Variants in GSE1 observed in about 807,000 individuals in gnomAD.
The protein encoded by GSE1 is Gse1 coiled-coil protein, also known as genetic suppressor element 1.
Under a neutral mutation model 112.6 loss-of-function variants are expected in GSE1, and 32 were observed. The ratio of observed to expected loss-of-function variants is 0.28; its 90% CI spans 0.21 to 0.38. GSE1 has a LOEUF of 0.38. Ranked by LOEUF, GSE1 falls within the 10% of genes least tolerant of loss-of-function variation. The pLI is 1.00. For missense variants in GSE1, 2,348 were observed against 1,699.2 expected (o/e 1.38, Z -6.71); for synonymous variants, 1,115 against 735.6 (o/e 1.52, Z -8.35).
chr16:85,482,542 G>A (rs1280331726), intron 2 of GSE1, among the ~76,000 whole-genome samples: 1 of 152,168 alleles, frequency 6.6e-6, no homozygotes, highest in African/African-American at 2.4e-5. Flanking sequence ...TCCTTACCTG[G>A]GGGCTTAATA....
chr16:85,562,567 G>A (rs113785333), intron 1 of GSE1, among the ~76,000 whole-genome samples: 1 of 152,218 alleles, frequency 6.6e-6, no homozygotes. Context: ...GTCCTTCTAC[G>A]CAGGGGAAAG....
chr16:85,240,699 G>C (rs141742099), intron 1 of GSE1, among the ~76,000 whole-genome samples: 1 of 152,194 alleles, frequency 6.6e-6, no homozygotes, highest in Non-Finnish European at 1.5e-5. Context: ...GCCACTGTTG[G>C]CATGCTGCCC....
chr16:85,516,899 G>A (rs2051964351), intron 2 of GSE1, among the ~76,000 whole-genome samples: 1 of 150,588 alleles, frequency 6.6e-6, no homozygotes, highest in African/African-American at 2.4e-5. Context: ...CCGGGTTCAC[G>A]CCATTCTCCT....
intron 2 of GSE1, among the ~76,000 whole-genome samples, chr16:85,422,962 A>G (rs2048885067): frequency 6.6e-6 from 1 of 152,170 alleles, no homozygotes; most frequent in Admixed American, 6.5e-5. Flanking sequence ...CCCAGAGCTA[A>G]TATTGAACTT....
chr16:85,655,244 T>C (rs1243712032), intron 5 of GSE1, among the ~76,000 whole-genome samples: 1 of 151,894 alleles, frequency 6.6e-6, no homozygotes, highest in Non-Finnish European at 1.5e-5. Context: ...CACCGGGGGG[T>C]CCATTGACAG....
intron 2 of GSE1, among the ~76,000 whole-genome samples, chr16:85,526,418 C>A (rs76627956): frequency 0.028 from 4,270 of 152,316 alleles, 185 homozygotes; most frequent in African/African-American, 0.087. Context: ...GTGAGAAGAA[C>A]GGCCAGTCCC....
At chr16:85,648,794 G>GCGGGGC in intron 3 of GSE1, 43 bp downstream of exon 3, 2 of 1,228,928 alleles carry the variant, frequency 1.6e-6, no homozygotes, top group Non-Finnish European at 2.3e-6. Context: ...TCTAAGTGGG[G>GCGGGGC]AGGCTGGATT....
chr16:85,507,584 A>G (rs749766120), intron 2 of GSE1, among the ~76,000 whole-genome samples: 2 of 152,184 alleles, frequency 1.3e-5, no homozygotes, highest in Non-Finnish European at 2.9e-5. Flanking sequence ...AGGTGTGAGC[A>G]GGGTTGCTTT....
chr16:85,533,574 A>G (rs2044209352), intron 2 of GSE1, among the ~76,000 whole-genome samples: 1 of 149,756 alleles, frequency 6.7e-6, no homozygotes, highest in Non-Finnish European at 1.5e-5. Flanking sequence ...TTTAATATCA[A>G]TGTTATTGGC....
intron 1 of GSE1, among the ~76,000 whole-genome samples, chr16:85,260,404 A>G (rs530485973): frequency 1.9e-4 from 26 of 138,852 alleles, no homozygotes; most frequent in African/African-American, 6.5e-4. Flanking sequence ...GCTCACTGCA[A>G]TTCTACCTCC....
intron 2 of GSE1, among the ~76,000 whole-genome samples, chr16:85,493,587 C>T: frequency 6.6e-6 from 1 of 151,986 alleles, no homozygotes; most frequent in South Asian, 2.1e-4. Context: ...AACCCCGTCT[C>T]TACTAAAAAT....
chr16:85,556,930 T>G (rs2045257114), intron 1 of GSE1, among the ~76,000 whole-genome samples: 1 of 151,888 alleles, frequency 6.6e-6, no homozygotes, highest in Non-Finnish European at 1.5e-5. Context: ...AGGAGGGTAT[T>G]TGGCGTGGCT....
At chr16:85,367,230 G>A (rs1044026909) in intron 2 of GSE1, among the ~76,000 whole-genome samples, 2 of 152,210 alleles carry the variant, frequency 1.3e-5, no homozygotes, top group African/African-American at 4.8e-5. Flanking sequence ...GACACCACGG[G>A]AGAGCTGGGG....
At chr16:85,296,950 C>T (rs2045385218) in intron 1 of GSE1, among the ~76,000 whole-genome samples, 1 of 152,240 alleles carries the variant, frequency 6.6e-6, no homozygotes. Flanking sequence ...CGGCGCTTCC[C>T]CGGCCAGTGC....
At chr16:85,249,736 C>T (rs1325248866) in intron 1 of GSE1, among the ~76,000 whole-genome samples, 2 of 152,206 alleles carry the variant, frequency 1.3e-5, no homozygotes, top group African/African-American at 4.8e-5. Flanking sequence ...GTTCTGGTAG[C>T]CCTGAGGGCC....
chr16:85,409,507 G>A (rs1265790293), intron 2 of GSE1, among the ~76,000 whole-genome samples: 1 of 8,474 alleles, frequency 1.2e-4, no homozygotes, highest in African/African-American at 1.5e-4. Flanking sequence ...TGCACTCAGG[G>A]CCCCCCGGAT....
intron 1 of GSE1, among the ~76,000 whole-genome samples, chr16:85,201,415 T>G (rs564922001): frequency 1.3e-5 from 2 of 151,640 alleles, no homozygotes; most frequent in East Asian, 3.9e-4. Context: ...CCCAGCACTT[T>G]GGGACGCCGA....
intron 1 of GSE1, among the ~76,000 whole-genome samples, chr16:85,259,429 C>A (rs1907436597): frequency 6.6e-6 from 1 of 152,238 alleles, no homozygotes; most frequent in Non-Finnish European, 1.5e-5. Flanking sequence ...CAAGGATCCA[C>A]AAACAGCCAG....
rs530312983 is a variant in GSE1 at position 85,391,355 on chromosome 16, C to T, written c.2464+33712C>T. Among the ~76,000 whole-genome samples the T allele has an allele frequency of 3.3e-5, 5 of 152,330 alleles. No homozygotes were observed. The East Asian group carries it at 9.6e-4, about 29-fold the overall frequency. On this transcript the variant is annotated intron_variant, in intron 2 of 2. Coordinates refer to the GSE1 transcript ENST00000637419. ...AGTGGTAGTGACTTGTGATATCTGT[C>T]CCCTGCGGCTGCCGTAACAAAGTAC...
Sources: allele counts gnomAD v4.1 joint callset (sites outside exome capture counted in the v4.1 genomes callset), GRCh38; gene constraint gnomAD v4.1.1; transcripts MANE v1.5; gene names NCBI Gene and HGNC (gene_info 2026-07-23, HGNC 2026-07-21).